Variants in OTOGL observed in about 807,000 individuals in gnomAD.
OTOGL encodes the protein otogelin like, also known as otogelin-like protein.
Under a neutral mutation model 318.5 loss-of-function variants are expected in OTOGL, and 285 were observed. The observed-to-expected ratio is 0.89, with a 90% CI of 0.81 to 0.99. The LOEUF is 0.99. Among genes scored for constraint, OTOGL ranks in the 50% least tolerant of loss-of-function variants. OTOGL has a pLI of 0.00. For synonymous variants in OTOGL, 987 were observed against 936.5 expected (o/e 1.05, Z -0.99); for missense variants, 2,899 against 2,845.6 (o/e 1.02, Z -0.43).
chr12:80,179,269 T>C (rs1480984354), intron 1 of OTOGL, among the ~76,000 whole-genome samples: 2 of 152,076 alleles, frequency 1.3e-5, no homozygotes, highest in Non-Finnish European at 2.9e-5. Flanking sequence ...CAGACAAACA[T>C]TAGAAATAGA....
At chr12:80,229,104 T>C (rs922391098) in intron 7 of OTOGL, among the ~76,000 whole-genome samples, 153 bp from the exon 8 acceptor site, 19 of 152,218 alleles carry the variant, frequency 1.2e-4, no homozygotes, top group Non-Finnish European at 1.5e-5. Flanking sequence ...GAGGTAAATA[T>C]TTCTTTTCTC....
At chr12:80,284,086 T>A (rs1205022063) in intron 26 of OTOGL, among the ~76,000 whole-genome samples, 1 of 152,136 alleles carries the variant, frequency 6.6e-6, no homozygotes, top group African/African-American at 2.4e-5. Flanking sequence ...TGTCCATGTG[T>A]TCTCATTGTT....
chr12:80,365,733 A>G (rs1439272505), intron 52 of OTOGL, among the ~76,000 whole-genome samples: 1 of 152,192 alleles, frequency 6.6e-6, no homozygotes, highest in Non-Finnish European at 1.5e-5. Context: ...ACAAGGCACT[A>G]TAAAAAGCAA....
At chr12:80,327,641 C>G (rs1037667553) in intron 35 of OTOGL, among the ~76,000 whole-genome samples, 6 of 151,388 alleles carry the variant, frequency 4.0e-5, no homozygotes, top group Non-Finnish European at 8.8e-5. Context: ...GCATGCCAAT[C>G]TGCTTGGATG....
chr12:80,305,287 T>C (rs775861758), intron 28 of OTOGL, among the ~76,000 whole-genome samples: 20 of 152,222 alleles, frequency 1.3e-4, no homozygotes, highest in Non-Finnish European at 2.8e-4. Context: ...GTTTGAATTA[T>C]ACTTTTCAAA....
chr12:80,195,472 A>T (rs538962254), intron 1 of OTOGL, among the ~76,000 whole-genome samples: 70 of 152,346 alleles, frequency 4.6e-4, no homozygotes, highest in African/African-American at 1.6e-3. Context: ...ATAAAAATAA[A>T]ATAGGCTGGT....
At chr12:80,377,712 A>G (rs1025080262) in intron 58 of OTOGL, 136 bp from the exon 59 acceptor site, 2 of 693,130 alleles carry the variant, frequency 2.9e-6, no homozygotes, top group East Asian at 5.4e-5. Context: ...GTTTTTTACG[A>G]TCTTGCAACA....
chr12:80,317,990 G>C (rs1245290555), intron 32 of OTOGL, among the ~76,000 whole-genome samples: 1 of 152,102 alleles, frequency 6.6e-6, no homozygotes, highest in African/African-American at 2.4e-5. Context: ...TGTCCCAGAT[G>C]ATGGGTCAGT....
chr12:80,344,344 G>T (rs1485535357), intron 44 of OTOGL, among the ~76,000 whole-genome samples: 4 of 152,140 alleles, frequency 2.6e-5, no homozygotes, highest in Non-Finnish European at 5.9e-5. Context: ...ATACCATTTA[G>T]TCTGTGATAG....
intron 28 of OTOGL, among the ~76,000 whole-genome samples, chr12:80,304,540 A>G (rs1885984080): frequency 6.6e-6 from 1 of 152,216 alleles, no homozygotes; most frequent in Non-Finnish European, 1.5e-5. Flanking sequence ...AAAAGATTTT[A>G]ATATGTCATA....
In OTOGL at chr12:80,310,595, T is replaced by A. The variant is rs1186745376; in HGVS notation, c.3334-16T>A. 1 of 1,536,784 alleles carries A rather than the reference T, an allele frequency of 6.5e-7. No individual in the cohort carries two copies. On this transcript the variant is annotated splice_polypyrimidine_tract_variant and intron_variant, in intron 29 of 58. Coordinates refer to ENST00000547103, the MANE Select transcript of OTOGL (RefSeq NM_001378609.3). ...CCCTTTGAAAACTTCTTTTCTCTCT[T>A]AAATTTTTTCAACAGTGTGAAAGTC...
At chr12:80,347,738 G>A (rs183918977) in intron 44 of OTOGL, among the ~76,000 whole-genome samples, 9 of 152,122 alleles carry the variant, frequency 5.9e-5, no homozygotes, top group East Asian at 1.9e-4. Flanking sequence ...CACTCCCACC[G>A]ACAGTGTAAA....
At position 80,220,935 on chromosome 12, in the gene OTOGL, G is replaced by GT. The variant is rs1453097738; in HGVS notation, c.334+1029dup. Among the ~76,000 whole-genome samples the GT allele has an allele frequency of 2.6e-5, 4 of 152,078 alleles. No individual in the cohort carries two copies. In the East Asian group the frequency reaches 5.8e-4, roughly 22 times the overall value. On this transcript the variant is annotated intron_variant, in intron 6 of 58. Coordinates refer to ENST00000547103, the MANE Select transcript of OTOGL (RefSeq NM_001378609.3). ...CTGCCTGAATAATGAATAATTCTATGTTTTTTCCTGAAAAGGCCACAGTTG... is the reference window on the plus strand; with the variant it reads ...CTGCCTGAATAATGAATAATTCTATGTTTTTTTCCTGAAAAGGCCACAGTTG...
Position 80,312,349 on chromosome 12 carries a change from A to G in OTOGL, c.3451-1127A>G, listed in dbSNP as rs140332549. Reference sequence around the variant, plus strand: ...ACATTAAAGAGATTTGCAAAAATGTAAAACAGTGCACTCTTTTCACTATTT... The same window carrying G: ...ACATTAAAGAGATTTGCAAAAATGTGAAACAGTGCACTCTTTTCACTATTT... On this transcript the variant is annotated intron_variant, in intron 30 of 58. Coordinates refer to ENST00000547103, the MANE Select transcript of OTOGL (RefSeq NM_001378609.3). Among the ~76,000 whole-genome samples the G allele has an allele frequency of 9.8e-5, 15 of 152,354 alleles. No homozygotes were observed. In the East Asian group the frequency reaches 2.7e-3, roughly 27 times the overall value.
intron 34 of OTOGL, 137 bp downstream of exon 34, chr12:80,320,837 C>T: frequency 2.7e-6 from 2 of 741,344 alleles, no homozygotes; most frequent in Admixed American, 3.0e-5. Flanking sequence ...AGTGTCTTAA[C>T]CTCTATACCC....
intron 1 of OTOGL, among the ~76,000 whole-genome samples, chr12:80,127,940 T>C (rs944873103): frequency 4.6e-5 from 7 of 152,188 alleles, no homozygotes; most frequent in Non-Finnish European, 1.0e-4. Flanking sequence ...TAGCCATTCA[T>C]CTAATCTTTT....
At chr12:80,325,229 A>G (rs946614793) in intron 35 of OTOGL, among the ~76,000 whole-genome samples, 7 of 152,166 alleles carry the variant, frequency 4.6e-5, no homozygotes, top group Non-Finnish European at 8.8e-5. Context: ...ATCTATGGCA[A>G]ATGTTGCCAA....
intron 44 of OTOGL, among the ~76,000 whole-genome samples, chr12:80,348,791 A>G (rs1889362683): frequency 1.3e-5 from 2 of 152,100 alleles, no homozygotes; most frequent in African/African-American, 4.8e-5. Context: ...AGCTCTCTTA[A>G]TATTCCAAGA....
chr12:80,211,926 A>G (rs368277437), intron 3 of OTOGL, 23 bp from the exon 4 acceptor site: 8 of 1,546,900 alleles, frequency 5.2e-6, no homozygotes, highest in Non-Finnish European at 7.0e-6. Flanking sequence ...TTGACTGTAC[A>G]AGTTCTTTTT....
Sources: gnomAD v4.1 joint callset for allele counts (sites outside exome capture counted in the v4.1 genomes callset) on GRCh38, gnomAD v4.1.1 for gene constraint, MANE v1.5 for transcripts, NCBI Gene and HGNC (gene_info 2026-07-23, HGNC 2026-07-21) for gene names.